The following CHST11 variants were observed in gnomAD, a reference collection of about 807,000 sequenced individuals.
The protein encoded by CHST11 is C4S-1.
A neutral mutation model predicts 30.4 loss-of-function variants in CHST11; 9 were observed. That is an observed-to-expected ratio of 0.30 (90% CI 0.18 to 0.52). CHST11 has a LOEUF of 0.52. CHST11 is among the 20% of genes least tolerant of loss of function. The probability of loss-of-function intolerance (pLI) is 0.97; values close to 1 mark genes in which losing one functional copy is unlikely to be tolerated. For synonymous variants in CHST11, 152 were observed against 187.8 expected, an observed-to-expected ratio of 0.81 and a Z score of 1.56; for missense variants, 348 against 460.6, an observed-to-expected ratio of 0.76 and a Z score of 2.24.
At chr12:104,512,126 A>G (rs1337734604) in intron 1 of CHST11, among the ~76,000 whole-genome samples, 1 of 152,206 alleles carries the variant, frequency 6.6e-6, no homozygotes, top group Non-Finnish European at 1.5e-5. Flanking sequence ...TAGATGCAGA[A>G]CCTGAAGTTA....
intron 1 of CHST11, among the ~76,000 whole-genome samples, chr12:104,547,745 TG>T (rs1479270542): frequency 6.6e-6 from 1 of 152,240 alleles, no homozygotes; most frequent in Non-Finnish European, 1.5e-5. Flanking sequence ...TAATCTTTTT[TG>T]GGTTTCAATT....
intron 1 of CHST11, among the ~76,000 whole-genome samples, chr12:104,528,144 TG>T (rs2038146929): frequency 6.6e-6 from 1 of 152,252 alleles, no homozygotes; most frequent in Non-Finnish European, 1.5e-5. Flanking sequence ...CAGATGATGA[TG>T]GTTATGTCCG....
At chr12:104,635,154 G>C (rs1352512490) in intron 2 of CHST11, among the ~76,000 whole-genome samples, 1 of 152,104 alleles carries the variant, frequency 6.6e-6, no homozygotes, top group Non-Finnish European at 1.5e-5. Flanking sequence ...ACTAGGTGAT[G>C]ACCAAGCTCC....
rs548344138 is a variant in CHST11 at position 104,577,997 on chromosome 12, C to G, written c.119-23909C>G. Among the ~76,000 whole-genome samples, 34 of 152,300 alleles carry G rather than the reference C, an allele frequency of 2.2e-4. No homozygotes were observed. The South Asian group carries it at 7.1e-3, about 32-fold the overall frequency. The stretch of plus-strand genomic sequence containing the variant: ...GTGGTTACCATGCACTGAGGGAAGT[C>G]CACAAAAGCCAGCCTGTTCAGGGCT... On this transcript the variant is annotated intron_variant, in intron 1 of 2. Coordinates refer to ENST00000303694, the MANE Select transcript of CHST11 (RefSeq NM_018413.6).
At chr12:104,721,608 A>G (rs2040177555) in intron 2 of CHST11, among the ~76,000 whole-genome samples, 1 of 152,200 alleles carries the variant, frequency 6.6e-6, no homozygotes, top group Non-Finnish European at 1.5e-5. Flanking sequence ...TGAGTGCTCA[A>G]AATGGGGTGT....
At chr12:104,598,246 A>G (rs1246362989) in intron 1 of CHST11, among the ~76,000 whole-genome samples, 1 of 152,186 alleles carries the variant, frequency 6.6e-6, no homozygotes, top group African/African-American at 2.4e-5. Flanking sequence ...ACATATGACT[A>G]GCCCAGAAGT....
intron 1 of CHST11, among the ~76,000 whole-genome samples, chr12:104,535,313 C>G (rs2038226981): frequency 6.6e-6 from 1 of 152,184 alleles, no homozygotes; most frequent in Admixed American, 6.5e-5. Flanking sequence ...ACGCTGTCTT[C>G]CTGTTCAGAT....
At chr12:104,717,652 T>C (rs946453700) in intron 2 of CHST11, among the ~76,000 whole-genome samples, 1 of 152,164 alleles carries the variant, frequency 6.6e-6, no homozygotes, top group Non-Finnish European at 1.5e-5. Flanking sequence ...GCGCCTGTAG[T>C]CCCAGCTACT....
Position 104,757,819 on chromosome 12 carries a change from G to A in CHST11, c.*16G>A. The A allele has an allele frequency of 1.3e-6, 2 of 1,589,174 alleles. No individual in the cohort carries two copies. Among genetic ancestry groups the A allele is most frequent in the Non-Finnish European group, 1.7e-6 (2 of 1,166,552 alleles). On this transcript the variant is annotated 3_prime_UTR_variant, in exon 3 of 3. Coordinates refer to ENST00000303694, the MANE Select transcript of CHST11 (RefSeq NM_018413.6). The surrounding 1 kb of genome is among the most constrained non-coding windows in gnomAD (Gnocchi z 6.5). ...ATTGGAATAAAGGGGGTGGGGAGAGGGAGAGAATCATGCTTTTTAATTTAA... is the reference window on the plus strand; with the variant it reads ...ATTGGAATAAAGGGGGTGGGGAGAGAGAGAGAATCATGCTTTTTAATTTAA...
chr12:104,687,976 T>C (rs963599641), intron 2 of CHST11, among the ~76,000 whole-genome samples: 1 of 152,182 alleles, frequency 6.6e-6, no homozygotes, highest in Non-Finnish European at 1.5e-5. Flanking sequence ...CAGTGTGTGG[T>C]TCACACTTGA....
chr12:104,481,666 G>C (rs1251681164), intron 1 of CHST11, among the ~76,000 whole-genome samples: 1 of 151,956 alleles, frequency 6.6e-6, no homozygotes, highest in African/African-American at 2.4e-5. Context: ...AGAGGGCTTT[G>C]GGGTTTCTGA....
At chr12:104,718,076 GC>G (rs2040145568) in intron 2 of CHST11, among the ~76,000 whole-genome samples, 1 of 152,222 alleles carries the variant, frequency 6.6e-6, no homozygotes, top group South Asian at 2.1e-4. Context: ...TTCAGCAGCG[GC>G]CCCACTCCTG....
intron 2 of CHST11, among the ~76,000 whole-genome samples, chr12:104,736,580 G>A (rs1045707201): frequency 6.6e-5 from 10 of 152,240 alleles, no homozygotes; most frequent in South Asian, 4.1e-4. Flanking sequence ...CTGACTGAGC[G>A]TAGCAAAGCC....
chr12:104,488,591 G>A (rs962608512), intron 1 of CHST11, among the ~76,000 whole-genome samples: 8 of 146,288 alleles, frequency 5.5e-5, no homozygotes, highest in East Asian at 2.7e-4. Context: ...GTATGTATGC[G>A]TATGTATGCG....
At chr12:104,755,718 G>A (rs1351700607) in intron 2 of CHST11, among the ~76,000 whole-genome samples, 5 of 152,156 alleles carry the variant, frequency 3.3e-5, no homozygotes, top group East Asian at 1.9e-4. Flanking sequence ...CTCTGGAGGC[G>A]GAGGTTGCAG....
chr12:104,554,886 C>A (rs369842392), intron 1 of CHST11, among the ~76,000 whole-genome samples: 2 of 152,296 alleles, frequency 1.3e-5, no homozygotes, highest in East Asian at 3.9e-4. Flanking sequence ...AGTGATATTG[C>A]TTTCCCCATC....
intron 1 of CHST11, among the ~76,000 whole-genome samples, chr12:104,484,569 G>T (rs938364726): frequency 1.3e-5 from 2 of 152,182 alleles, no homozygotes; most frequent in Non-Finnish European, 2.9e-5. Context: ...ACCTTGCAGG[G>T]TTATGGTGAG....
chr12:104,604,696 G>A (rs1295345977), intron 2 of CHST11, among the ~76,000 whole-genome samples: 1 of 152,178 alleles, frequency 6.6e-6, no homozygotes, highest in African/African-American at 2.4e-5. Flanking sequence ...TATCACTGAG[G>A]CAGATGACAA....
intron 2 of CHST11, among the ~76,000 whole-genome samples, chr12:104,628,912 C>T (rs2136066118): frequency 6.6e-6 from 1 of 152,258 alleles, no homozygotes; most frequent in African/African-American, 2.4e-5. Flanking sequence ...TGCTAAGGTC[C>T]ACGCTGGCTG....
Sources: gnomAD v4.1 joint callset for allele counts (sites outside exome capture counted in the v4.1 genomes callset) on GRCh38, gnomAD v4.1.1 for gene constraint, Gnocchi (gnomAD v3.1) non-coding constraint, MANE v1.5 for transcripts, NCBI Gene and HGNC (gene_info 2026-07-23, HGNC 2026-07-21) for gene names.